UBE2K: variants seen among roughly 807,000 people sequenced by gnomAD.
UBE2K encodes the protein ubiquitin conjugating enzyme E2 K, also known as ubiquitin-conjugating enzyme E2 K.
In UBE2K, 6 loss-of-function variants were observed where a neutral mutation model predicts 30.0. The ratio of observed to expected loss-of-function variants is 0.20; its 90% CI spans 0.11 to 0.39. UBE2K has a LOEUF of 0.39. Among genes scored for constraint, UBE2K ranks in the 10% least tolerant of loss-of-function variants. The pLI, the probability that UBE2K is intolerant of heterozygous loss-of-function variation, is 1.00. For missense variants in UBE2K, 61 were observed against 241.6 expected, an observed-to-expected ratio of 0.25 and a Z score of 4.96; for synonymous variants, 86 against 83.7, an observed-to-expected ratio of 1.03 and a Z score of -0.15.
chr4:39,732,188 C>G (rs1477909700), intron 1 of UBE2K, among the ~76,000 whole-genome samples: 1 of 152,092 alleles, frequency 6.6e-6, no homozygotes, highest in Non-Finnish European at 1.5e-5. Flanking sequence ...AATTCACCAG[C>G]GAACCCTATG....
intron 4 of UBE2K, among the ~76,000 whole-genome samples, chr4:39,763,251 C>CT (rs35240266): frequency 0.19 from 28,272 of 145,792 alleles, 2,674 homozygotes; most frequent in South Asian, 0.26. Context: ...CCTTAAAACA[C>CT]TTTTTTTTTT....
chr4:39,757,022 TTTG>T (rs1176611113), intron 4 of UBE2K, among the ~76,000 whole-genome samples: 1 of 99,234 alleles, frequency 1.0e-5, no homozygotes, highest in South Asian at 3.5e-4. Flanking sequence ...TTTTTTGTTT[TTTG>T]TTTTTTGTTT....
chr4:39,732,565 T>C (rs530693553), intron 1 of UBE2K, among the ~76,000 whole-genome samples: 1 of 152,024 alleles, frequency 6.6e-6, no homozygotes, highest in Non-Finnish European at 1.5e-5. Context: ...ATGTTTTTTT[T>C]ATCTCATTCA....
intron 3 of UBE2K, among the ~76,000 whole-genome samples, chr4:39,750,539 A>G (rs981566724): frequency 6.6e-6 from 1 of 152,154 alleles, no homozygotes; most frequent in Admixed American, 6.6e-5. Flanking sequence ...CTAGTTTTGT[A>G]TATAAAAATA....
chr4:39,756,519 C>T (rs545343896), intron 4 of UBE2K, among the ~76,000 whole-genome samples: 40 of 152,042 alleles, frequency 2.6e-4, no homozygotes, highest in African/African-American at 8.9e-4. Flanking sequence ...GTGGCGCAAT[C>T]ACAGCTCACT....
chr4:39,716,623 G>A (rs1246530995), intron 1 of UBE2K, among the ~76,000 whole-genome samples: 1 of 152,164 alleles, frequency 6.6e-6, no homozygotes, highest in Non-Finnish European at 1.5e-5. Flanking sequence ...CGTTTTGGAC[G>A]GCTGAAGCAG....
intron 4 of UBE2K, among the ~76,000 whole-genome samples, chr4:39,768,205 G>A (rs1205692307): frequency 6.7e-6 from 1 of 149,130 alleles, no homozygotes; most frequent in Admixed American, 6.8e-5. Flanking sequence ...TTGGGAGGCA[G>A]AAGTGGACGG....
chr4:39,702,252 TTTTTTTTTTTTTTTTTTTTG>T (rs1718070621), intron 1 of UBE2K, among the ~76,000 whole-genome samples: 1 of 49,722 alleles, frequency 2.0e-5, no homozygotes, highest in Admixed American at 1.9e-4. Context: ...TTTTTTTTTT[TTTTTTTTTTTTTTTTTTTTG>T]AGACGGAGTT....
intron 1 of UBE2K, chr4:39,714,574 GTC>G (rs1168453129): frequency 4.6e-4 from 14 of 30,574 alleles, no homozygotes; most frequent in Admixed American, 1.2e-3. Context: ...TTAAGACTGA[GTC>G]TCTCTCTGTT....
chr4:39,711,995 T>G (rs1718716800), intron 1 of UBE2K, among the ~76,000 whole-genome samples: 1 of 151,296 alleles, frequency 6.6e-6, no homozygotes, highest in African/African-American at 2.4e-5. Flanking sequence ...AAGCCGAGAT[T>G]GCGCCATTGC....
chr4:39,712,733 C>T (rs186323422), intron 1 of UBE2K, among the ~76,000 whole-genome samples: 2 of 150,354 alleles, frequency 1.3e-5, no homozygotes, highest in African/African-American at 2.4e-5. Context: ...ATTTTTAAGA[C>T]TTATGTTTTT....
intron 2 of UBE2K, among the ~76,000 whole-genome samples, chr4:39,743,302 A>G (rs906256023): frequency 2.0e-5 from 3 of 151,846 alleles, no homozygotes; most frequent in African/African-American, 7.3e-5. Context: ...GGAATTTCAG[A>G]TATATAAAAA....
At chr4:39,706,260 C>T (rs1172982598) in intron 1 of UBE2K, among the ~76,000 whole-genome samples, 1 of 151,952 alleles carries the variant, frequency 6.6e-6, no homozygotes. Context: ...TCGTGATCTG[C>T]CTGCCTTGGC....
intron 1 of UBE2K, among the ~76,000 whole-genome samples, chr4:39,727,438 T>C (rs1719816029): frequency 1.3e-5 from 2 of 152,192 alleles, no homozygotes; most frequent in African/African-American, 2.4e-5. Context: ...CACGGCTCTC[T>C]GCAGCCTGGG....
chr4:39,770,495 C>G (rs1712717840), intron 4 of UBE2K: 2 of 1,610,262 alleles, frequency 1.2e-6, no homozygotes, highest in Non-Finnish European at 1.7e-6. Flanking sequence ...CTGAGAAGCT[C>G]CCAGGCAGGG....
At chr4:39,772,209 G>A (rs1394018552) in intron 4 of UBE2K, among the ~76,000 whole-genome samples, 10 of 152,184 alleles carry the variant, frequency 6.6e-5, no homozygotes, top group Middle Eastern at 3.4e-3. Context: ...TGAGAAAACA[G>A]TCACTAATTT....
intron 1 of UBE2K, among the ~76,000 whole-genome samples, chr4:39,709,030 G>A (rs569273557): frequency 1.3e-5 from 2 of 151,600 alleles, no homozygotes; most frequent in East Asian, 1.9e-4. Flanking sequence ...AATTAAGGGC[G>A]TGGGCTTTAG....
intron 1 of UBE2K, among the ~76,000 whole-genome samples, chr4:39,699,284 A>G (rs894562020): frequency 3.3e-5 from 5 of 152,320 alleles, no homozygotes; most frequent in African/African-American, 7.2e-5. Flanking sequence ...AAACTTCATT[A>G]TGATGTCCCT....
At chr4:39,754,393 T>C (rs1228131247) in intron 3 of UBE2K, among the ~76,000 whole-genome samples, 1 of 152,194 alleles carries the variant, frequency 6.6e-6, no homozygotes, top group Admixed American at 6.5e-5. Context: ...AGATTGAATA[T>C]GAGTTAGCAG....
Sources: gnomAD v4.1 joint callset for allele counts (sites outside exome capture counted in the v4.1 genomes callset) on GRCh38, gnomAD v4.1.1 for gene constraint, MANE v1.5 for transcripts, NCBI Gene and HGNC (gene_info 2026-07-23, HGNC 2026-07-21) for gene names.